Variants in SRPRB observed in about 807,000 individuals in gnomAD.
SRPRB encodes the protein signal recognition particle receptor subunit beta.
Under a neutral mutation model 31.9 loss-of-function variants are expected in SRPRB, and 20 were observed. The ratio of observed to expected loss-of-function variants is 0.63; its 90% CI spans 0.44 to 0.91. The LOEUF (loss-of-function observed/expected upper bound fraction) is 0.91, where lower values mean the gene tolerates loss of function less well. Ranked by LOEUF, SRPRB falls within the 40% of genes least tolerant of loss-of-function variation. The pLI is 0.00. For synonymous variants in SRPRB, 146 were observed against 132.8 expected (o/e 1.10, Z -0.68); for missense variants, 321 against 324.9 (o/e 0.99, Z 0.09).
At chr3:133,812,462 C>G (rs997180232) in intron 4 of SRPRB, among the ~76,000 whole-genome samples, 18 of 152,134 alleles carry the variant, frequency 1.2e-4, no homozygotes, top group Non-Finnish European at 1.6e-4. Context: ...TATAACTACT[C>G]TGTGATTCAT....
chr3:133,794,206 A>G (rs1418325172), intron 1 of SRPRB: 1 of 152,272 alleles, frequency 6.6e-6, no homozygotes, highest in East Asian at 1.9e-4. Flanking sequence ...TTGTTAGTAA[A>G]ATTTCTGCAT....
At chr3:133,790,580 A>G (rs1399806342) in intron 1 of SRPRB, 1 of 152,276 alleles carries the variant, frequency 6.6e-6, no homozygotes, top group African/African-American at 2.4e-5. Flanking sequence ...ATATTTGGCT[A>G]ATTAACATTT....
chr3:133,804,332 C>G (rs1204391459), upstream of SRPRB, among the ~76,000 whole-genome samples: 11 of 151,798 alleles, frequency 7.2e-5, no homozygotes, highest in Admixed American at 7.2e-4. Flanking sequence ...AGCTAAATAA[C>G]AAGCAGAGAG....
intron 1 of SRPRB, chr3:133,790,563 A>T (rs1934806926): frequency 6.6e-6 from 1 of 152,250 alleles, no homozygotes; most frequent in African/African-American, 2.4e-5. Context: ...CTGATAGAGA[A>T]TTGGAGATAT....
At chr3:133,802,441 G>T (rs1326586815), upstream of SRPRB, among the ~76,000 whole-genome samples, 2 of 152,014 alleles carry the variant, frequency 1.3e-5, no homozygotes, top group African/African-American at 4.8e-5. Flanking sequence ...ATGATGCTTG[G>T]CACCAGGAAG....
chr3:133,805,682 G>C, upstream of SRPRB: 1 of 743,450 alleles, frequency 1.3e-6, no homozygotes, highest in Non-Finnish European at 2.0e-6. Context: ...GTAGGAGGAC[G>C]GAGTCCCAGA....
intron 1 of SRPRB, chr3:133,791,558 A>C (rs1934833510): frequency 6.6e-6 from 1 of 152,204 alleles, no homozygotes; most frequent in Non-Finnish European, 1.5e-5. Flanking sequence ...TAAAAAAAGA[A>C]TTCTGAGGCC....
chr3:133,827,137 T>TATC (rs1935577820), downstream of SRPRB: 4 of 152,568 alleles, frequency 2.6e-5, no homozygotes, highest in South Asian at 8.3e-4. Flanking sequence ...ACTGCACAAA[T>TATC]ATCAGTCCTG....
At chr3:133,799,069 TA>T (rs1481507313) in intron 1 of SRPRB, among the ~76,000 whole-genome samples, 1 of 152,114 alleles carries the variant, frequency 6.6e-6, no homozygotes, top group East Asian at 1.9e-4. Context: ...AAACTACTAA[TA>T]CCCAGAGGTG....
intron 4 of SRPRB, among the ~76,000 whole-genome samples, chr3:133,814,697 C>A (rs192158187): frequency 1.3e-5 from 2 of 152,156 alleles, no homozygotes; most frequent in African/African-American, 4.8e-5. Flanking sequence ...TCTCGGCCCC[C>A]CAAAGTGCTG....
chr3:133,802,620 T>C (rs1251385218), upstream of SRPRB, among the ~76,000 whole-genome samples: 1 of 152,160 alleles, frequency 6.6e-6, no homozygotes, highest in Non-Finnish European at 1.5e-5. Flanking sequence ...ACTGACCACT[T>C]ATAGGACATG....
chr3:133,826,063 A>G (rs1935557421), downstream of SRPRB: 3 of 152,324 alleles, frequency 2.0e-5, no homozygotes, highest in East Asian at 3.8e-4. Flanking sequence ...CAGGGAACCA[A>G]CAACTTCTGA....
At chr3:133,789,866 C>T (rs965912402) in intron 1 of SRPRB, 12 of 129,144 alleles carry the variant, frequency 9.3e-5, no homozygotes, top group African/African-American at 2.8e-4. Flanking sequence ...CAAAACAAAA[C>T]GATCTCGTTT....
chr3:133,808,772 C>T (rs62280620), intron 3 of SRPRB, among the ~76,000 whole-genome samples: 146 of 151,060 alleles, frequency 9.7e-4, no homozygotes, highest in Middle Eastern at 3.4e-3. Flanking sequence ...GCGCCTGTAA[C>T]CCAGCTACTC....
intron 1 of SRPRB, 61 bp from the exon 2 acceptor site, chr3:133,806,548 C>T: frequency 7.8e-7 from 1 of 1,276,954 alleles, no homozygotes. Flanking sequence ...CCACCCCAGC[C>T]ATGCACATAT....
intron 6 of SRPRB, among the ~76,000 whole-genome samples, chr3:133,818,895 C>G (rs1935414064): frequency 6.6e-6 from 1 of 150,440 alleles, no homozygotes; most frequent in South Asian, 2.1e-4. Flanking sequence ...CTTTACAGAA[C>G]AAGAAATGCT....
At chr3:133,800,101 C>A (rs1214504838) in intron 1 of SRPRB, among the ~76,000 whole-genome samples, 1 of 152,190 alleles carries the variant, frequency 6.6e-6, no homozygotes, top group Admixed American at 6.5e-5. Context: ...GGGCTGTAAT[C>A]TGGCCTGGCC....
downstream of SRPRB, among the ~76,000 whole-genome samples, chr3:133,823,064 GCT>G (rs1935499749): frequency 6.6e-6 from 1 of 152,164 alleles, no homozygotes; most frequent in South Asian, 2.1e-4. Flanking sequence ...TGGTTTCCCT[GCT>G]CTCTCAGTAG....
At chr3:133,814,063 G>C (rs554296150) in intron 4 of SRPRB, among the ~76,000 whole-genome samples, 1 of 151,956 alleles carries the variant, frequency 6.6e-6, no homozygotes, top group Non-Finnish European at 1.5e-5. Flanking sequence ...TAGCTCCCCA[G>C]CTGCATGTTG....
Sources: gnomAD v4.1 joint callset for allele counts (sites outside exome capture counted in the v4.1 genomes callset) on GRCh38, gnomAD v4.1.1 for gene constraint, MANE v1.5 for transcripts, NCBI Gene and HGNC (gene_info 2026-07-23, HGNC 2026-07-21) for gene names.